SLFN12: variants seen among roughly 807,000 people sequenced by gnomAD.
The protein encoded by SLFN12 is ribonuclease SLFN12.
A neutral mutation model predicts 29.1 loss-of-function variants in SLFN12; 25 were observed. The ratio of observed to expected loss-of-function variants is 0.86; its 90% CI spans 0.63 to 1.20. The LOEUF is 1.20. SLFN12 is among the 50% of genes most tolerant of loss of function. The pLI is 0.00. For missense variants in SLFN12, 660 were observed against 666.2 expected (o/e 0.99, Z 0.10); for synonymous variants, 257 against 238.7 (o/e 1.08, Z -0.71).
In SLFN12 at chr17:35,420,345, A is replaced by C. The variant is rs1567847382; in HGVS notation, c.1076T>G (p.Ile359Arg). 2.5e-6 allele frequency: 4 copies of C among 1,613,852 alleles called. No homozygotes were observed. Among genetic ancestry groups the C allele is most frequent in the Non-Finnish European group, 3.4e-6 (4 of 1,179,824 alleles). ...SSSYEEVISQ[I>R]NTSLPAPHSW... ...GTGGGGAGCAGGTAATGACGTATTT[A>C]TTTGAGAGATCACCTCTTCATATGA... The change falls in exon 3 of 4, where the codon ATA becomes AGA. Residue 359 changes from isoleucine to arginine, a missense_variant. Ile to Arg is a moderately conservative substitution (Grantham distance 97). Coordinates refer to ENST00000304905, the MANE Select transcript of SLFN12 (RefSeq NM_018042.5).
chr17:35,422,920 T>G lies in SLFN12; in HGVS notation c.109A>C (p.Arg37=). ...GAGACACTTTCATTCTGCTTTTTTC[T>G]CAGTTTACAATCCTTCATTTTTTTC... ...SRKKMKDCKL[R]KKQNESVSRA... Residue 37 remains arginine (R), a synonymous_variant, in exon 2 of 4, where the codon AGA becomes CGA. Coordinates refer to ENST00000304905, the MANE Select transcript of SLFN12 (RefSeq NM_018042.5). 1 of 1,613,994 alleles carries G rather than the reference T, an allele frequency of 6.2e-7. No homozygotes were observed. Among genetic ancestry groups the G allele is most frequent in the Non-Finnish European group, 8.5e-7 (1 of 1,179,996 alleles).
At chr17:35,424,957 A>T (rs1911910538) in intron 1 of SLFN12, among the ~76,000 whole-genome samples, 1 of 152,032 alleles carries the variant, frequency 6.6e-6, no homozygotes, top group African/African-American at 2.4e-5. Flanking sequence ...CATACTTATC[A>T]TTTTTTGTGG....
intron 2 of SLFN12, 124 bp downstream of exon 2, chr17:35,421,866 A>C (rs1294096742): frequency 7.7e-6 from 10 of 1,292,130 alleles, no homozygotes; most frequent in Non-Finnish European, 1.0e-5. Flanking sequence ...GATTGTATCC[A>C]CCAGGGATTA....
chr17:35,418,846 G>GTATT (rs199625820), intron 3 of SLFN12, among the ~76,000 whole-genome samples: 1 of 150,936 alleles, frequency 6.6e-6, no homozygotes. Flanking sequence ...GATGGATTGT[G>GTATT]TATTTATTTA....
chr17:35,429,944 C>G (rs1912212297), intron 1 of SLFN12, among the ~76,000 whole-genome samples: 1 of 152,014 alleles, frequency 6.6e-6, no homozygotes, highest in Non-Finnish European at 1.5e-5. Context: ...CCTGGGAGGT[C>G]TGGACACCCA....
intron 3 of SLFN12, among the ~76,000 whole-genome samples, chr17:35,419,211 A>T (rs1450720111): frequency 6.6e-6 from 1 of 152,056 alleles, no homozygotes; most frequent in African/African-American, 2.4e-5. Flanking sequence ...GTATAGAAGG[A>T]TCTCTTATGC....
At chr17:35,416,548 AT>A (rs1242910012) in intron 3 of SLFN12, among the ~76,000 whole-genome samples, 1 of 152,176 alleles carries the variant, frequency 6.6e-6, no homozygotes, top group East Asian at 1.9e-4. Context: ...AAAAGCATAC[AT>A]TTTAAAAGTA....
chr17:35,422,910 T>C lies in SLFN12; in HGVS notation c.119A>G (p.Gln40Arg), dbSNP rs1227011209. The change falls in exon 2 of 4, where the codon CAG becomes CGG. Residue 40 changes from glutamine to arginine, a missense_variant. By Grantham distance (43) the Gln-to-Arg change is conservative. Transcript: ENST00000304905. ...CATAGCTCGTGAGACACTTTCATTC[T>C]GCTTTTTTCTCAGTTTACAATCCTT... ...KMKDCKLRKK[Q>R]NESVSRAMCA... 2 of 1,614,018 alleles carry C rather than the reference T, an allele frequency of 1.2e-6. No homozygotes were observed. The highest frequency in any genetic ancestry group is 1.7e-6 in the Non-Finnish European group (2 of 1,179,988).
intron 1 of SLFN12, among the ~76,000 whole-genome samples, chr17:35,430,866 G>A (rs1357591665): frequency 6.6e-6 from 1 of 152,120 alleles, no homozygotes; most frequent in Non-Finnish European, 1.5e-5. Context: ...GCCAGCAGCT[G>A]CACAGATACT....
rs11653309 is a variant in SLFN12 at position 35,420,794 on chromosome 17, G to A, written c.1040-413C>T. The A allele has an allele frequency of 7.5e-3, 1,157 of 154,356 alleles. 14 individuals carry two copies. The highest frequency in any genetic ancestry group is 9.1e-3 in the Non-Finnish European group (637 of 69,706). 9.6% of individuals were successfully genotyped at this position (154,356 alleles called of 1,614,324 possible). ...TAGTACTGGTCCAATTTCATTTGAGGCTTTCTTTTCCCAAACGCAGAGAAA... is the reference window on the plus strand; with the variant it reads ...TAGTACTGGTCCAATTTCATTTGAGACTTTCTTTTCCCAAACGCAGAGAAA... On this transcript the variant is annotated intron_variant, in intron 2 of 3. Coordinates refer to ENST00000304905, the MANE Select transcript of SLFN12 (RefSeq NM_018042.5).
Position 35,411,732 on chromosome 17 carries a change from G to A in SLFN12, c.1343C>T (p.Ser448Phe), listed in dbSNP as rs1449775547. The A allele has an allele frequency of 1.2e-6, 2 of 1,613,898 alleles. No individual in the cohort carries two copies. The highest frequency in any genetic ancestry group is 1.1e-5 in the South Asian group (1 of 91,078). ...HKVLCDALLI[S>F]QDSPPVLYTF... ...GTATAGGACTGGAGGACTGTCCTGG[G>A]AAATCAGAAGAGCATCACAGAGGAC... The change falls in exon 4 of 4, where the codon TCC becomes TTC. Residue 448 changes from serine to phenylalanine, a missense_variant. Coordinates refer to ENST00000304905, the MANE Select transcript of SLFN12 (RefSeq NM_018042.5).
At chr17:35,421,166 G>A (rs1208584338) in intron 2 of SLFN12, among the ~76,000 whole-genome samples, 1 of 151,196 alleles carries the variant, frequency 6.6e-6, no homozygotes, top group Non-Finnish European at 1.5e-5. Context: ...CCGAGATCCT[G>A]CCATTGCACT....
At chr17:35,416,297 G>C (rs1358815407) in intron 3 of SLFN12, among the ~76,000 whole-genome samples, 4 of 152,068 alleles carry the variant, frequency 2.6e-5, no homozygotes, top group African/African-American at 9.7e-5. Flanking sequence ...GTGGGAGCTA[G>C]GCCATGAGGA....
intron 1 of SLFN12, among the ~76,000 whole-genome samples, chr17:35,423,796 A>G (rs1911843283): frequency 6.6e-6 from 1 of 152,146 alleles, no homozygotes; most frequent in South Asian, 2.1e-4. Flanking sequence ...TCAGGTTATG[A>G]GGGTGAAGCC....
intron 3 of SLFN12, among the ~76,000 whole-genome samples, chr17:35,418,916 G>A (rs903153922): frequency 2.6e-5 from 4 of 152,046 alleles, no homozygotes; most frequent in African/African-American, 4.8e-5. Flanking sequence ...TGCCTGGGCT[G>A]GAGTACAGTG....
intron 1 of SLFN12, among the ~76,000 whole-genome samples, chr17:35,424,824 GT>G (rs67996770): frequency 0.025 from 3,726 of 152,056 alleles, 150 homozygotes; most frequent in African/African-American, 0.085. Context: ...GACAGTGCCT[GT>G]TTTTTATTTT....
intron 3 of SLFN12, among the ~76,000 whole-genome samples, chr17:35,412,886 T>C (rs1209010659): frequency 6.6e-6 from 1 of 151,992 alleles, no homozygotes; most frequent in Admixed American, 6.6e-5. Context: ...CTTATTCTCT[T>C]ACAGCCTTAG....
chr17:35,431,463 C>T (rs192986737), intron 1 of SLFN12, among the ~76,000 whole-genome samples: 109 of 152,250 alleles, frequency 7.2e-4, no homozygotes, highest in Middle Eastern at 3.4e-3. Context: ...CCAAACACTA[C>T]TGCAACCGGA....
At chr17:35,427,953 C>T (rs1036909469) in intron 1 of SLFN12, among the ~76,000 whole-genome samples, 1 of 151,848 alleles carries the variant, frequency 6.6e-6, no homozygotes, top group Non-Finnish European at 1.5e-5. Context: ...GAGGCCAGAA[C>T]ATGTAGACAG....
Sources: allele counts gnomAD v4.1 joint callset (sites outside exome capture counted in the v4.1 genomes callset), GRCh38; gene constraint gnomAD v4.1.1; transcripts MANE v1.5; gene names NCBI Gene and HGNC (gene_info 2026-07-23, HGNC 2026-07-21).